Variants in FAM227B observed in about 807,000 individuals in gnomAD.
The protein encoded by FAM227B is family with sequence similarity 227 member B.
FAM227B carries 88 observed loss-of-function variants against 73.8 expected under a neutral mutation model. That is an observed-to-expected ratio of 1.19 (90% CI 1.00 to 1.42). The LOEUF is 1.42. Among genes scored for constraint, FAM227B ranks in the 40% most tolerant of loss-of-function variants. The pLI, the probability that FAM227B is intolerant of heterozygous loss-of-function variation, is 0.00. For missense variants in FAM227B, 632 were observed against 590.9 expected (o/e 1.07, Z -0.72); for synonymous variants, 210 against 190.5 (o/e 1.10, Z -0.84).
At chr15:49,596,441 AG>A (rs2076888542) in intron 3 of FAM227B, among the ~76,000 whole-genome samples, 1 of 151,928 alleles carries the variant, frequency 6.6e-6, no homozygotes, top group African/African-American at 2.4e-5. Context: ...CAGCACTAAA[AG>A]AACTGCTAAA....
intron 11 of FAM227B, among the ~76,000 whole-genome samples, chr15:49,387,029 A>G (rs114728483): frequency 0.015 from 2,250 of 151,970 alleles, 49 homozygotes; most frequent in African/African-American, 0.052. Context: ...ATAAAAGCCC[A>G]GGACCAGATG....
chr15:49,514,676 C>G (rs117326707), intron 10 of FAM227B, among the ~76,000 whole-genome samples: 1 of 152,036 alleles, frequency 6.6e-6, no homozygotes, highest in Admixed American at 6.6e-5. Flanking sequence ...AAATATGATA[C>G]GCCAGTGTTT....
intron 3 of FAM227B, among the ~76,000 whole-genome samples, chr15:49,593,420 TTTTA>T (rs1168882550): frequency 3.3e-5 from 5 of 152,204 alleles, no homozygotes; most frequent in Non-Finnish European, 7.3e-5. Context: ...AGAATCTGCA[TTTTA>T]TTTTTTATTT....
chr15:49,546,804 G>C (rs11638238), intron 9 of FAM227B, among the ~76,000 whole-genome samples: 49,830 of 152,010 alleles, frequency 0.33, 8,948 homozygotes, highest in African/African-American at 0.46. Flanking sequence ...ATCTACGTCT[G>C]ATTGGTGTAC....
At chr15:49,492,726 T>C (rs2057228638) in intron 11 of FAM227B, among the ~76,000 whole-genome samples, 1 of 151,950 alleles carries the variant, frequency 6.6e-6, no homozygotes, top group South Asian at 2.1e-4. Context: ...TGATATTTTA[T>C]TGTCTTCTAA....
chr15:49,586,137 C>A (rs2076147922), intron 5 of FAM227B, among the ~76,000 whole-genome samples: 1 of 151,888 alleles, frequency 6.6e-6, no homozygotes, highest in South Asian at 2.1e-4. Context: ...CAAACTATTA[C>A]AAACTACAGG....
chr15:49,368,101 T>G (rs955703487), intron 12 of FAM227B, among the ~76,000 whole-genome samples: 6 of 152,024 alleles, frequency 3.9e-5, no homozygotes, highest in African/African-American at 1.4e-4. Context: ...TAGGGGAACT[T>G]TAAAAGGATT....
chr15:49,576,664 T>C (rs1477850764), intron 7 of FAM227B, 77 bp downstream of exon 7: 9 of 854,058 alleles, frequency 1.1e-5, no homozygotes, highest in Admixed American at 5.1e-5. Context: ...TAATTTATCA[T>C]AGCTTTAAGT....
chr15:49,422,392 T>C, intron 11 of FAM227B: 6 of 413,638 alleles, frequency 1.5e-5, no homozygotes, highest in Non-Finnish European at 2.3e-5. Flanking sequence ...TAGCAATACA[T>C]ATTATAATTC....
intron 13 of FAM227B, among the ~76,000 whole-genome samples, chr15:49,357,901 G>T (rs2043454606): frequency 6.6e-6 from 1 of 151,830 alleles, no homozygotes; most frequent in South Asian, 2.1e-4. Context: ...GATCAAGTGG[G>T]CTTCATCCCT....
chr15:49,582,251 T>C (rs1051399880), intron 5 of FAM227B, among the ~76,000 whole-genome samples: 2 of 151,996 alleles, frequency 1.3e-5, no homozygotes, highest in African/African-American at 4.8e-5. Context: ...TTGTGTGCAA[T>C]GACACACATA....
At chr15:49,551,027 C>T (rs2072911851) in intron 9 of FAM227B, among the ~76,000 whole-genome samples, 1 of 152,262 alleles carries the variant, frequency 6.6e-6, no homozygotes, top group South Asian at 2.1e-4. Context: ...CGTCTGCAAT[C>T]CCGGCACCCC....
At chr15:49,565,105 C>T (rs796087250) in intron 9 of FAM227B, among the ~76,000 whole-genome samples, 12 of 152,044 alleles carry the variant, frequency 7.9e-5, no homozygotes, top group African/African-American at 2.2e-4. Context: ...AATCAGAGGC[C>T]GGGCACAGTA....
At chr15:49,480,958 T>C (rs1318006205) in intron 11 of FAM227B, among the ~76,000 whole-genome samples, 1 of 152,220 alleles carries the variant, frequency 6.6e-6, no homozygotes, top group Non-Finnish European at 1.5e-5. Context: ...TGTTTTACAA[T>C]TGTTCTGTAA....
At chr15:49,505,997 A>G (rs2058558514) in intron 11 of FAM227B, among the ~76,000 whole-genome samples, 1 of 152,046 alleles carries the variant, frequency 6.6e-6, no homozygotes, top group African/African-American at 2.4e-5. Context: ...TTAAGATTAA[A>G]CAAAATGAAC....
intron 13 of FAM227B, chr15:49,353,736 T>A (rs1357503540): frequency 2.0e-5 from 3 of 152,066 alleles, no homozygotes; most frequent in African/African-American, 4.8e-5. Context: ...TATTTTACCT[T>A]GTATATATTG....
chr15:49,508,108 G>T, intron 11 of FAM227B, 103 bp downstream of exon 11: 2 of 1,180,638 alleles, frequency 1.7e-6, no homozygotes, highest in South Asian at 1.5e-5. Flanking sequence ...TTATTTTAAG[G>T]CCCTCACCAA....
intron 9 of FAM227B, among the ~76,000 whole-genome samples, chr15:49,549,482 C>G (rs975063044): frequency 1.3e-5 from 2 of 152,058 alleles, no homozygotes; most frequent in East Asian, 1.9e-4. Context: ...CCTGGCCTTC[C>G]ACAGTGTTTG....
At chr15:49,487,857 C>T (rs1282915684) in intron 11 of FAM227B, 1 of 151,908 alleles carries the variant, frequency 6.6e-6, no homozygotes, top group African/African-American at 2.4e-5. Context: ...ATTGATACAT[C>T]AGAATGACTT....
Sources: allele counts gnomAD v4.1 joint callset (sites outside exome capture counted in the v4.1 genomes callset), GRCh38; gene constraint gnomAD v4.1.1; transcripts MANE v1.5; gene names NCBI Gene and HGNC (gene_info 2026-07-23, HGNC 2026-07-21).